Variants in MAGI2 observed in about 807,000 individuals in gnomAD.
MAGI2 encodes the protein membrane-associated guanylate kinase, WW and PDZ domain-containing protein 2.
In MAGI2, 35 loss-of-function variants were observed where a neutral mutation model predicts 133.3. That is an observed-to-expected ratio of 0.26 (90% CI 0.20 to 0.35). The LOEUF (loss-of-function observed/expected upper bound fraction) is 0.35. MAGI2 is among the 10% of genes least tolerant of loss of function. The pLI is 1.00. For missense variants in MAGI2, 1,636 were observed against 1,863.4 expected (o/e 0.88, Z 2.25); for synonymous variants, 729 against 710.6 (o/e 1.03, Z -0.41).
At chr7:78,841,878 A>G (rs1013694591) in intron 2 of MAGI2, among the ~76,000 whole-genome samples, 1 of 151,912 alleles carries the variant, frequency 6.6e-6, no homozygotes, top group African/African-American at 2.4e-5. Flanking sequence ...TGACCACCCA[A>G]GGAGCTTCTA....
At chr7:78,690,620 G>C (rs912131763) in intron 2 of MAGI2, among the ~76,000 whole-genome samples, 3 of 152,098 alleles carry the variant, frequency 2.0e-5, no homozygotes, top group African/African-American at 4.8e-5. Context: ...GCACACAAAA[G>C]ATACTGAATA....
intron 21 of MAGI2, among the ~76,000 whole-genome samples, chr7:78,064,910 A>G (rs1813656927): frequency 6.6e-6 from 1 of 152,244 alleles, no homozygotes; most frequent in Admixed American, 6.5e-5. Context: ...AGGCTAAAAT[A>G]TAGCCAACAC....
chr7:78,876,152 C>G (rs1460803514), intron 2 of MAGI2, among the ~76,000 whole-genome samples: 1 of 151,678 alleles, frequency 6.6e-6, no homozygotes, highest in East Asian at 1.9e-4. Context: ...GAAACCCTGT[C>G]TCTACTAAAA....
In MAGI2 at chr7:78,881,221, C is replaced by T. The variant is rs192578580; in HGVS notation, c.418+125869G>A. ...TAAATTTGACATTTGATGAATTGGA[C>T]CTAATAGACATCTATAGACCGCACC... On this transcript the variant is annotated intron_variant, in intron 2 of 21. Coordinates refer to ENST00000354212, the MANE Select transcript of MAGI2 (RefSeq NM_012301.4). Among the ~76,000 whole-genome samples, 11 of 152,164 alleles carry T rather than the reference C, an allele frequency of 7.2e-5. No individual in the cohort carries two copies. The East Asian group carries it at 2.1e-3, about 29-fold the overall frequency.
At chr7:78,105,107 C>T (rs1479380378) in intron 20 of MAGI2, among the ~76,000 whole-genome samples, 1 of 150,810 alleles carries the variant, frequency 6.6e-6, no homozygotes, top group Admixed American at 6.7e-5. Context: ...ATTTTTTAAA[C>T]TTTATAGACA....
chr7:78,246,899 G>A (rs798358), intron 10 of MAGI2, among the ~76,000 whole-genome samples: 57,553 of 151,988 alleles, frequency 0.38, 11,620 homozygotes, highest in East Asian at 0.7. Flanking sequence ...TGGCCCCCTG[G>A]GCCTAAGCTC....
chr7:79,087,503 G>A (rs1356703695), intron 1 of MAGI2, among the ~76,000 whole-genome samples: 1 of 151,918 alleles, frequency 6.6e-6, no homozygotes. Flanking sequence ...AGTTTATGGA[G>A]CATTTAACAA....
intron 6 of MAGI2, among the ~76,000 whole-genome samples, chr7:78,402,996 A>G (rs989000576): frequency 1.3e-5 from 2 of 152,150 alleles, no homozygotes; most frequent in Non-Finnish European, 2.9e-5. Context: ...AAACAATCAA[A>G]TTAACTTTTT....
chr7:78,776,145 T>C (rs1418832188), intron 2 of MAGI2, among the ~76,000 whole-genome samples: 1 of 152,244 alleles, frequency 6.6e-6, no homozygotes, highest in Non-Finnish European at 1.5e-5. Flanking sequence ...CCTAGAACTA[T>C]TATGTTCTCA....
At chr7:78,370,048 T>C (rs927310421) in intron 6 of MAGI2, among the ~76,000 whole-genome samples, 1 of 152,062 alleles carries the variant, frequency 6.6e-6, no homozygotes, top group African/African-American at 2.4e-5. Flanking sequence ...CTAAGATATA[T>C]TGACAAGTTT....
chr7:78,766,044 AC>A (rs1824992490), intron 2 of MAGI2, among the ~76,000 whole-genome samples: 1 of 152,190 alleles, frequency 6.6e-6, no homozygotes, highest in South Asian at 2.1e-4. Flanking sequence ...ATCCTCCCAC[AC>A]TTGGCCAGCA....
rs915424976 is a variant in MAGI2 at position 79,212,185 on chromosome 7, A to C, written c.302-204979T>G. Among the ~76,000 whole-genome samples the C allele has an allele frequency of 5.9e-5, 9 of 152,166 alleles. No individual in the cohort carries two copies. In the East Asian group the frequency reaches 1.7e-3, roughly 29 times the overall value. On this transcript the variant is annotated intron_variant, in intron 1 of 21. Transcript: ENST00000354212. ...AGCTTGGAGCGCTCTTTACATCAGAATACAAAGATGTTGCATTATTTGTAG... is the reference window on the plus strand; with the variant it reads ...AGCTTGGAGCGCTCTTTACATCAGACTACAAAGATGTTGCATTATTTGTAG...
chr7:79,393,362 T>C (rs1255767673), intron 1 of MAGI2, among the ~76,000 whole-genome samples: 1 of 152,160 alleles, frequency 6.6e-6, no homozygotes, highest in South Asian at 2.1e-4. Context: ...TAAAATTTGA[T>C]TTTTTATTTC....
At chr7:78,702,305 A>C (rs1056521124) in intron 2 of MAGI2, among the ~76,000 whole-genome samples, 5 of 152,044 alleles carry the variant, frequency 3.3e-5, no homozygotes, top group African/African-American at 1.2e-4. Flanking sequence ...TTTCCATTAA[A>C]AATAATTTAT....
At chr7:78,514,652 G>A (rs1266200591) in intron 4 of MAGI2, among the ~76,000 whole-genome samples, 1 of 152,164 alleles carries the variant, frequency 6.6e-6, no homozygotes, top group African/African-American at 2.4e-5. Flanking sequence ...CGTTGGGGTG[G>A]TTTCAGAGTG....
Position 78,195,083 on chromosome 7 carries a change from A to G in MAGI2, c.2080-20T>C. 6.4e-7 allele frequency: 1 copy of G among 1,564,604 alleles called. No homozygotes were observed. Among genetic ancestry groups the G allele is most frequent in the Non-Finnish European group, 8.7e-7 (1 of 1,154,458 alleles). Reference sequence around the variant, plus strand: ...CATTATCTGAAAAGTGACAGAGGACAGAGAAAATGACTGACAAATTCTTCC... The same window carrying G: ...CATTATCTGAAAAGTGACAGAGGACGGAGAAAATGACTGACAAATTCTTCC... On this transcript the variant is annotated intron_variant, in intron 11 of 21. Coordinates refer to ENST00000354212, the MANE Select transcript of MAGI2 (RefSeq NM_012301.4).
intron 6 of MAGI2, 135 bp downstream of exon 6, chr7:78,489,626 T>C: frequency 1.4e-6 from 1 of 726,782 alleles, no homozygotes; most frequent in Non-Finnish European, 2.4e-6. Context: ...TTCTCTCTCT[T>C]ATCTGAGCAT....
chr7:78,283,077 G>A (rs798335), intron 9 of MAGI2, among the ~76,000 whole-genome samples: 12,229 of 152,082 alleles, frequency 0.08, 980 homozygotes, highest in African/African-American at 0.2. Context: ...TACCCAGGCT[G>A]GTCTTGAACT....
At chr7:78,191,431 C>T (rs1828200851) in intron 12 of MAGI2, among the ~76,000 whole-genome samples, 2 of 152,152 alleles carry the variant, frequency 1.3e-5, no homozygotes, top group South Asian at 2.1e-4. Flanking sequence ...GAGCCTTGTT[C>T]AGAAATCGTT....
Sources: allele counts gnomAD v4.1 joint callset (sites outside exome capture counted in the v4.1 genomes callset), GRCh38; gene constraint gnomAD v4.1.1; transcripts MANE v1.5; gene names NCBI Gene and HGNC (gene_info 2026-07-23, HGNC 2026-07-21).